Variants in NLGN1 observed in about 807,000 individuals in gnomAD.
The protein encoded by NLGN1 is neuroligin-1.
In NLGN1, 12 loss-of-function variants were observed where a neutral mutation model predicts 65.5. That is an observed-to-expected ratio of 0.18 (90% CI 0.12 to 0.30). NLGN1 has a LOEUF of 0.30. Ranked by LOEUF, NLGN1 falls within the 10% of genes least tolerant of loss-of-function variation. The pLI is 1.00. For synonymous variants in NLGN1, 350 were observed against 359.5 expected, an observed-to-expected ratio of 0.97 and a Z score of 0.30; for missense variants, 750 against 1,007.1, an observed-to-expected ratio of 0.74 and a Z score of 3.46.
intron 4 of NLGN1, among the ~76,000 whole-genome samples, chr3:174,099,514 G>A (rs6789218): frequency 0.14 from 21,852 of 152,054 alleles, 1,850 homozygotes; most frequent in African/African-American, 0.22. Context: ...ATAGCAATGC[G>A]TAACAATATT....
chr3:174,274,054 A>G (rs1213526666), intron 4 of NLGN1, among the ~76,000 whole-genome samples: 1 of 151,474 alleles, frequency 6.6e-6, no homozygotes, highest in Non-Finnish European at 1.5e-5. Flanking sequence ...CATTATGTTG[A>G]ATTTCTATAA....
chr3:173,834,685 C>T (rs1723244791), intron 4 of NLGN1, among the ~76,000 whole-genome samples: 1 of 152,118 alleles, frequency 6.6e-6, no homozygotes, highest in Non-Finnish European at 1.5e-5. Flanking sequence ...CAATCAAATA[C>T]GTGAAGAAAT....
chr3:173,470,060 G>A (rs247974), intron 2 of NLGN1, among the ~76,000 whole-genome samples: 115,538 of 151,800 alleles, frequency 0.76, 45,931 homozygotes, highest in East Asian at 0.97. Context: ...CTGGACATAT[G>A]TTCTCAGATT....
intron 4 of NLGN1, among the ~76,000 whole-genome samples, chr3:173,858,190 AT>A (rs1256479990): frequency 6.6e-6 from 1 of 152,092 alleles, no homozygotes; most frequent in Non-Finnish European, 1.5e-5. Context: ...GTCTGGAAAG[AT>A]TTCCAGCCTC....
intron 3 of NLGN1, among the ~76,000 whole-genome samples, chr3:173,788,833 TAAA>T (rs3979635): frequency 0.018 from 939 of 53,472 alleles, 14 homozygotes; most frequent in African/African-American, 0.052. Context: ...AGACCTCATT[TAAA>T]AAAAAAAAAA....
chr3:174,200,919 C>T, intron 4 of NLGN1, among the ~76,000 whole-genome samples: 1 of 152,080 alleles, frequency 6.6e-6, no homozygotes, highest in East Asian at 1.9e-4. Context: ...ACAGACTATA[C>T]AAGTGTGTAT....
At chr3:173,516,873 G>C (rs916245339) in intron 2 of NLGN1, among the ~76,000 whole-genome samples, 1 of 152,016 alleles carries the variant, frequency 6.6e-6, no homozygotes, top group Non-Finnish European at 1.5e-5. Flanking sequence ...TAATTTGGTA[G>C]TAATATGAAT....
chr3:174,019,645 A>G (rs904240286), intron 4 of NLGN1, among the ~76,000 whole-genome samples: 1 of 152,162 alleles, frequency 6.6e-6, no homozygotes, highest in African/African-American at 2.4e-5. Flanking sequence ...ACATCTTAAC[A>G]GTATCTCTGC....
rs188777859 is a variant in NLGN1, at chr3:173,942,423, T to G, written c.646+134591T>G. Among the ~76,000 whole-genome samples, 7 of 152,182 alleles carry G rather than the reference T, an allele frequency of 4.6e-5. No homozygotes were observed. The East Asian group carries it at 1.4e-3, about 29-fold the overall frequency. ...TATCATTCAGTGACGACTGACCTAG[T>G]AGCCATTATAGGATGAAAACGAGGT... On this transcript the variant is annotated intron_variant, in intron 4 of 6. Coordinates refer to ENST00000457714, the Ensembl canonical transcript of NLGN1.
At chr3:173,980,499 TTATTTC>T (rs1433034431) in intron 4 of NLGN1, among the ~76,000 whole-genome samples, 7 of 152,090 alleles carry the variant, frequency 4.6e-5, no homozygotes, top group African/African-American at 1.7e-4. Context: ...GACATTTAGT[TTATTTC>T]TATTTTTTCC....
intron 4 of NLGN1, among the ~76,000 whole-genome samples, chr3:174,010,133 G>A (rs1725231787): frequency 6.6e-6 from 1 of 151,992 alleles, no homozygotes; most frequent in African/African-American, 2.4e-5. Context: ...CTTTAAAGAT[G>A]GCTTTAAAAC....
intron 3 of NLGN1, among the ~76,000 whole-genome samples, chr3:173,670,073 A>AT (rs1560138017): frequency 1.3e-5 from 2 of 152,064 alleles, no homozygotes; most frequent in African/African-American, 2.4e-5. Context: ...CTTTAAGCTG[A>AT]TTTTTTCCTA....
At chr3:174,254,965 T>G (rs1186719316) in intron 4 of NLGN1, among the ~76,000 whole-genome samples, 1 of 152,212 alleles carries the variant, frequency 6.6e-6, no homozygotes, top group Non-Finnish European at 1.5e-5. Flanking sequence ...CACCTTTAAC[T>G]TCATAAGTAT....
chr3:173,730,158 C>T (rs1772533173), intron 3 of NLGN1, among the ~76,000 whole-genome samples: 1 of 150,826 alleles, frequency 6.6e-6, no homozygotes, highest in African/African-American at 2.4e-5. Context: ...TATCAATATA[C>T]ATGATTATAT....
intron 4 of NLGN1, among the ~76,000 whole-genome samples, chr3:173,899,456 G>A (rs376884739): frequency 3.3e-5 from 5 of 151,986 alleles, no homozygotes; most frequent in Non-Finnish European, 5.9e-5. Flanking sequence ...ACCAATTCTC[G>A]TTAAATGAGT....
intron 4 of NLGN1, among the ~76,000 whole-genome samples, chr3:174,094,774 A>AGC (rs1442587972): frequency 6.7e-6 from 1 of 149,812 alleles, no homozygotes; most frequent in East Asian, 1.9e-4. Context: ...AAAAAAGTCA[A>AGC]GCATATTTCA....
At chr3:173,446,696 A>C (rs942421039) in intron 2 of NLGN1, among the ~76,000 whole-genome samples, 6 of 152,028 alleles carry the variant, frequency 3.9e-5, no homozygotes, top group Admixed American at 2.0e-4. Context: ...TAAAAGTGTT[A>C]CTATTTGTCC....
intron 4 of NLGN1, among the ~76,000 whole-genome samples, chr3:174,174,424 T>C (rs1162666533): frequency 1.3e-5 from 2 of 152,110 alleles, no homozygotes; most frequent in Non-Finnish European, 2.9e-5. Context: ...GTTGTACTAG[T>C]TTACATTCCC....
intron 3 of NLGN1, among the ~76,000 whole-genome samples, chr3:173,653,065 C>T (rs749796023): frequency 5.3e-5 from 8 of 152,042 alleles, no homozygotes; most frequent in Non-Finnish European, 7.4e-5. Flanking sequence ...TATAAAAATG[C>T]TACTGATTTT....
Sources: gnomAD v4.1 joint callset for allele counts (sites outside exome capture counted in the v4.1 genomes callset) on GRCh38, gnomAD v4.1.1 for gene constraint, MANE v1.5 for transcripts, NCBI Gene and HGNC (gene_info 2026-07-23, HGNC 2026-07-21) for gene names.